The following SHISA6 variants were observed in gnomAD, a reference collection of about 807,000 sequenced individuals.
SHISA6 encodes protein shisa-6.
A neutral mutation model predicts 47.9 loss-of-function variants in SHISA6; 22 were observed. The ratio of observed to expected loss-of-function variants is 0.46; its 90% CI spans 0.33 to 0.66. SHISA6 has a LOEUF of 0.66. Ranked by LOEUF, SHISA6 falls within the 30% of genes least tolerant of loss-of-function variation. The pLI is 0.02. For synonymous variants in SHISA6, 388 were observed against 337.8 expected (o/e 1.15, Z -1.63); for missense variants, 680 against 764.6 (o/e 0.89, Z 1.30).
At chr17:11,426,830 T>A (rs1597507570) in intron 3 of SHISA6, among the ~76,000 whole-genome samples, 1 of 152,148 alleles carries the variant, frequency 6.6e-6, no homozygotes. Flanking sequence ...CCTTTCTCTA[T>A]CCTTCCATCT....
At chr17:11,551,511 A>T (rs761906531) in intron 3 of SHISA6, among the ~76,000 whole-genome samples, 1 of 151,980 alleles carries the variant, frequency 6.6e-6, no homozygotes, top group Non-Finnish European at 1.5e-5. Context: ...CCACACCCTA[A>T]TACCCACCAC....
intron 3 of SHISA6, among the ~76,000 whole-genome samples, chr17:11,389,842 T>C (rs113818710): frequency 6.6e-6 from 1 of 152,334 alleles, no homozygotes; most frequent in African/African-American, 2.4e-5. Context: ...TCCCTCATTC[T>C]CTACTGCTCA....
Position 11,555,950 on chromosome 17 carries a change from A to G in SHISA6, c.1105+58A>G, listed in dbSNP as rs528789564. ...CTCTGGGGCTCCAAGATATCTTCCTATGTCACACTCTCTTGCTCCATACCC... is the reference window on the plus strand; with the variant it reads ...CTCTGGGGCTCCAAGATATCTTCCTGTGTCACACTCTCTTGCTCCATACCC... On this transcript the variant is annotated intron_variant, in intron 5 of 5. Coordinates refer to ENST00000441885, the MANE Select transcript of SHISA6 (RefSeq NM_207386.4). The G allele has an allele frequency of 2.0e-4, 294 of 1,465,294 alleles. 8 individuals carry two copies. The Admixed American group carries it at 7.2e-3, about 36-fold the overall frequency. The allele number at this position is 1,465,294 out of a possible 1,614,324, so 90.8% of individuals were successfully genotyped here.
chr17:11,290,865 G>C (rs982580565), intron 2 of SHISA6: 1 of 151,956 alleles, frequency 6.6e-6, no homozygotes, highest in Non-Finnish European at 1.5e-5. Context: ...TGGGACTTTC[G>C]TGTCTGCTTC....
chr17:11,509,425 G>A (rs1254175100), intron 3 of SHISA6, among the ~76,000 whole-genome samples: 2 of 152,210 alleles, frequency 1.3e-5, no homozygotes, highest in Admixed American at 1.3e-4. Flanking sequence ...CAGCACAACT[G>A]TATGATGCAG....
intron 2 of SHISA6, among the ~76,000 whole-genome samples, chr17:11,350,475 C>T (rs1169961758): frequency 6.6e-6 from 1 of 151,994 alleles, no homozygotes; most frequent in African/African-American, 2.4e-5. Context: ...CCACCGTGCC[C>T]AGCCGAGGAC....
intron 4 of SHISA6, among the ~76,000 whole-genome samples, chr17:11,554,198 G>T (rs1477424518): frequency 1.3e-5 from 2 of 152,194 alleles, no homozygotes; most frequent in Non-Finnish European, 2.9e-5. Flanking sequence ...CCTCTGAGGA[G>T]CAGCACTCCC....
At chr17:11,382,538 G>A (rs1308756589) in intron 3 of SHISA6, among the ~76,000 whole-genome samples, 3 of 152,168 alleles carry the variant, frequency 2.0e-5, no homozygotes, top group Non-Finnish European at 2.9e-5. Flanking sequence ...CCATGGAAGG[G>A]AACAATTCAG....
At chr17:11,344,196 AAG>A (rs1191668584) in intron 2 of SHISA6, among the ~76,000 whole-genome samples, 1 of 152,170 alleles carries the variant, frequency 6.6e-6, no homozygotes, top group African/African-American at 2.4e-5. Flanking sequence ...TTTGAGTTGA[AAG>A]AGATTTTATG....
chr17:11,496,769 G>C (rs896718802), intron 3 of SHISA6, among the ~76,000 whole-genome samples: 4 of 151,888 alleles, frequency 2.6e-5, no homozygotes, highest in African/African-American at 7.3e-5. Flanking sequence ...AAAAGAATGG[G>C]ATAGAAGTGG....
intron 2 of SHISA6, among the ~76,000 whole-genome samples, chr17:11,340,767 G>A (rs1468842542): frequency 6.6e-6 from 1 of 152,192 alleles, no homozygotes; most frequent in African/African-American, 2.4e-5. Context: ...TAACAAGGCT[G>A]GGATCACAGA....
intron 3 of SHISA6, among the ~76,000 whole-genome samples, chr17:11,536,137 G>C (rs1482664120): frequency 6.6e-6 from 1 of 152,104 alleles, no homozygotes; most frequent in Non-Finnish European, 1.5e-5. Context: ...ATTTCTTCCA[G>C]TTGGTATTAT....
chr17:11,409,347 T>C (rs1040770709), intron 3 of SHISA6, among the ~76,000 whole-genome samples: 1 of 152,140 alleles, frequency 6.6e-6, no homozygotes. Flanking sequence ...AACAATAAAA[T>C]AGAAGGTCAT....
At chr17:11,286,567 T>G (rs1175983881) in intron 2 of SHISA6, among the ~76,000 whole-genome samples, 1 of 152,206 alleles carries the variant, frequency 6.6e-6, no homozygotes, top group African/African-American at 2.4e-5. Context: ...TGCTGGAATG[T>G]TTGTAAGGAA....
chr17:11,294,353 A>G (rs1029458543), intron 2 of SHISA6, among the ~76,000 whole-genome samples: 1 of 152,090 alleles, frequency 6.6e-6, no homozygotes, highest in East Asian at 1.9e-4. Context: ...TTTAAGTTAA[A>G]CCAGAGGCTC....
intron 3 of SHISA6, among the ~76,000 whole-genome samples, chr17:11,471,995 C>T (rs1915944947): frequency 6.6e-6 from 1 of 152,076 alleles, no homozygotes; most frequent in African/African-American, 2.4e-5. Context: ...TGGTGTTGTA[C>T]ATTCTGTGGG....
chr17:11,402,627 T>C (rs7209893), intron 3 of SHISA6, among the ~76,000 whole-genome samples: 7,684 of 152,306 alleles, frequency 0.05, 578 homozygotes, highest in African/African-American at 0.16. Context: ...TAAATGTTTT[T>C]ACTTTGACTT....
At chr17:11,356,506 G>A (rs1912084534) in intron 2 of SHISA6, among the ~76,000 whole-genome samples, 1 of 152,168 alleles carries the variant, frequency 6.6e-6, no homozygotes, top group Non-Finnish European at 1.5e-5. Flanking sequence ...AGGAGATGAG[G>A]GTGTTAATGA....
At chr17:11,519,586 C>T (rs1400964054) in intron 3 of SHISA6, among the ~76,000 whole-genome samples, 1 of 152,146 alleles carries the variant, frequency 6.6e-6, no homozygotes, top group Non-Finnish European at 1.5e-5. Flanking sequence ...AGTAGGACAA[C>T]TACGAACGTA....
Sources: gnomAD v4.1 joint callset for allele counts (sites outside exome capture counted in the v4.1 genomes callset) on GRCh38, gnomAD v4.1.1 for gene constraint, MANE v1.5 for transcripts, NCBI Gene and HGNC (gene_info 2026-07-23, HGNC 2026-07-21) for gene names.